Variants in GALNT17 observed in about 807,000 individuals in gnomAD.
GALNT17 encodes UDP-GalNAc:polypeptide N-acetylgalactosaminyltransferase-like 3.
In GALNT17, 29 loss-of-function variants were observed where a neutral mutation model predicts 63.7. The observed-to-expected ratio is 0.46, with a 90% CI of 0.34 to 0.62. GALNT17 has a LOEUF of 0.62. Ranked by LOEUF, GALNT17 falls within the 20% of genes least tolerant of loss-of-function variation. The pLI, the probability that GALNT17 is intolerant of heterozygous loss-of-function variation, is 0.01. For synonymous variants in GALNT17, 305 were observed against 318.3 expected, an observed-to-expected ratio of 0.96 and a Z score of 0.45; for missense variants, 603 against 799.6, an observed-to-expected ratio of 0.75 and a Z score of 2.97.
chr7:71,279,051 G>A lies in GALNT17; in HGVS notation c.239-56499G>A, dbSNP rs147625171. ...AGCGATTCTCCTGCCTCAGCCCCCC[G>A]AGTAGCTGGGATTACAGGAACGCAC... is the stretch of plus-strand genomic sequence containing the variant. On this transcript the variant is annotated intron_variant, in intron 1 of 10. Transcript: ENST00000333538. Among the ~76,000 whole-genome samples the A allele has an allele frequency of 1.4e-3, 211 of 151,698 alleles. 2 individuals are homozygous for A. In the East Asian group the frequency reaches 0.035, roughly 25 times the overall value.
At chr7:71,191,197 A>G (rs150922770) in intron 1 of GALNT17, among the ~76,000 whole-genome samples, 1 of 152,324 alleles carries the variant, frequency 6.6e-6, no homozygotes, top group African/African-American at 2.4e-5. Flanking sequence ...ATTCTCTTGT[A>G]TCGCTTCCTA....
intron 1 of GALNT17, among the ~76,000 whole-genome samples, chr7:71,224,432 T>A (rs1021324437): frequency 2.0e-5 from 3 of 152,218 alleles, no homozygotes; most frequent in Non-Finnish European, 4.4e-5. Flanking sequence ...TTAGCTGTCA[T>A]CTAAACAAAT....
chr7:71,306,089 G>A (rs1791287661), intron 1 of GALNT17, among the ~76,000 whole-genome samples: 1 of 152,094 alleles, frequency 6.6e-6, no homozygotes, highest in East Asian at 1.9e-4. Context: ...GTGTGGTGGT[G>A]CGTGGCTGTA....
intron 6 of GALNT17, among the ~76,000 whole-genome samples, chr7:71,619,980 C>G (rs537866692): frequency 6.6e-6 from 1 of 152,022 alleles, no homozygotes; most frequent in Non-Finnish European, 1.5e-5. Context: ...TCTTGTCTTT[C>G]GAGGGTGTTT....
intron 5 of GALNT17, among the ~76,000 whole-genome samples, chr7:71,512,983 A>G (rs992960380): frequency 1.3e-5 from 2 of 152,246 alleles, no homozygotes; most frequent in Non-Finnish European, 2.9e-5. Context: ...ACTACATTAA[A>G]TAGCATTTCT....
At chr7:71,657,849 TATGGATGGATGGATGGATGG>T (rs56699781) in intron 6 of GALNT17, among the ~76,000 whole-genome samples, 20 of 125,156 alleles carry the variant, frequency 1.6e-4, no homozygotes, top group African/African-American at 4.1e-4. Context: ...TATTTCATTT[TATGGATGGATGGATGGATGG>T]ATGGATGGAT....
intron 1 of GALNT17, among the ~76,000 whole-genome samples, chr7:71,288,077 A>T (rs1390887583): frequency 6.9e-6 from 1 of 145,910 alleles, no homozygotes; most frequent in African/African-American, 2.6e-5. Flanking sequence ...TTAGCTGGGC[A>T]TGGTGGCACA....
rs78330239 is a variant in GALNT17, at chr7:71,406,519, A to G, written c.590-9370A>G. 5.3e-5 allele frequency among the ~76,000 whole-genome samples: 8 copies of G among 152,304 alleles called. No individual in the cohort carries two copies. The East Asian group carries it at 1.5e-3, about 29-fold the overall frequency. On this transcript the variant is annotated intron_variant, in intron 3 of 10. Transcript: ENST00000333538. Reference sequence around the variant, plus strand: ...GGGATTTGCTATCTCCATTGGACAGATAAGAAACCCCCTAGGTTGCATGAG... The same window carrying G: ...GGGATTTGCTATCTCCATTGGACAGGTAAGAAACCCCCTAGGTTGCATGAG...
At chr7:71,711,969 CT>C (rs1791801066) in intron 10 of GALNT17, 48 bp from the exon 11 acceptor site, 3 of 1,600,232 alleles carry the variant, frequency 1.9e-6, no homozygotes, top group Admixed American at 3.3e-5. Flanking sequence ...CTCGCTGTCT[CT>C]CTCTCCTCTC....
intron 1 of GALNT17, among the ~76,000 whole-genome samples, chr7:71,227,348 A>G (rs1444032708): frequency 6.6e-6 from 1 of 151,342 alleles, no homozygotes; most frequent in African/African-American, 2.4e-5. Context: ...TGGATGAGAG[A>G]GCAAGACCCT....
At chr7:71,214,257 C>T (rs1789434111) in intron 1 of GALNT17, among the ~76,000 whole-genome samples, 1 of 152,204 alleles carries the variant, frequency 6.6e-6, no homozygotes, top group Non-Finnish European at 1.5e-5. Context: ...CCTTCTGTTG[C>T]AGGTGCTGTT....
At chr7:71,492,540 C>T (rs1192727806) in intron 5 of GALNT17, among the ~76,000 whole-genome samples, 3 of 152,158 alleles carry the variant, frequency 2.0e-5, no homozygotes, top group Non-Finnish European at 4.4e-5. Context: ...TATCCTCATT[C>T]AACCATAATC....
At chr7:71,184,530 G>A (rs1156455144) in intron 1 of GALNT17, among the ~76,000 whole-genome samples, 1 of 152,084 alleles carries the variant, frequency 6.6e-6, no homozygotes, top group Non-Finnish European at 1.5e-5. Context: ...AGGCATCTAA[G>A]AGCCTTATCC....
intron 2 of GALNT17, among the ~76,000 whole-genome samples, chr7:71,375,865 G>A (rs542072876): frequency 6.6e-6 from 1 of 152,348 alleles, no homozygotes; most frequent in Non-Finnish European, 1.5e-5. Context: ...AACACTTGAG[G>A]TCAGGAGTTC....
intron 5 of GALNT17, among the ~76,000 whole-genome samples, chr7:71,426,178 C>A (rs1463571265): frequency 1.3e-5 from 2 of 152,152 alleles, no homozygotes; most frequent in Admixed American, 1.3e-4. Flanking sequence ...GGGTGCAGAG[C>A]CAAACCACGT....
chr7:71,650,216 G>A (rs1232340773), intron 6 of GALNT17, among the ~76,000 whole-genome samples: 1 of 152,192 alleles, frequency 6.6e-6, no homozygotes, highest in African/African-American at 2.4e-5. Flanking sequence ...CACAAGCTTT[G>A]CTGGGCTTTT....
At chr7:71,525,736 CTTTTTTTTTTTT>C (rs71089950) in intron 5 of GALNT17, among the ~76,000 whole-genome samples, 4 of 75,062 alleles carry the variant, frequency 5.3e-5, no homozygotes, top group African/African-American at 2.0e-4. Flanking sequence ...TATGTCTTTT[CTTTTTTTTTTTT>C]TTTTTTTTTG....
At chr7:71,577,441 A>T (rs1364052627) in intron 6 of GALNT17, among the ~76,000 whole-genome samples, 1 of 152,146 alleles carries the variant, frequency 6.6e-6, no homozygotes, top group Non-Finnish European at 1.5e-5. Flanking sequence ...ACGCACACAC[A>T]CGCAAAATTT....
chr7:71,290,956 T>G (rs933663072), intron 1 of GALNT17, among the ~76,000 whole-genome samples: 1 of 152,196 alleles, frequency 6.6e-6, no homozygotes, highest in Non-Finnish European at 1.5e-5. Flanking sequence ...GGTTTCCACA[T>G]TGAGAAGTGA....
Sources: gnomAD v4.1 joint callset for allele counts (sites outside exome capture counted in the v4.1 genomes callset) on GRCh38, gnomAD v4.1.1 for gene constraint, MANE v1.5 for transcripts, NCBI Gene and HGNC (gene_info 2026-07-23, HGNC 2026-07-21) for gene names.